The following ZNF469 variants were observed in gnomAD, a reference collection of about 807,000 sequenced individuals.
ZNF469 encodes the protein zinc finger protein 469.
Under a neutral mutation model 1.0 loss-of-function variants are expected in ZNF469, and 1 was observed. The ratio of observed to expected loss-of-function variants is 1.00; its 90% confidence interval spans 0.35 to 4.73. The LOEUF is 4.73. Among genes scored for constraint, ZNF469 ranks in the 30% most tolerant of loss-of-function variants. ZNF469 has a pLI of 0.16. For synonymous variants in ZNF469, 2,703 were observed against 2,363.4 expected (o/e 1.14, Z -4.17); for missense variants, 6,100 against 5,356.3 (o/e 1.14, Z -4.33).
the ZNF469 span, among the ~76,000 whole-genome samples, chr16:88,188,637 C>G: frequency 6.6e-6 from 1 of 152,168 alleles, no homozygotes; most frequent in Admixed American, 6.5e-5. Context: ...TGGGATGCCC[C>G]AGAACTTGCG....
the ZNF469 span, among the ~76,000 whole-genome samples, chr16:88,188,922 G>A: frequency 2.0e-5 from 3 of 152,028 alleles, no homozygotes; most frequent in African/African-American, 7.3e-5. Flanking sequence ...GCTTCTGCAC[G>A]TAGGAGGCAC....
intron 1 of ZNF469, among the ~76,000 whole-genome samples, chr16:88,387,889 C>A (rs570173811): frequency 6.6e-6 from 1 of 152,342 alleles, no homozygotes; most frequent in East Asian, 1.9e-4. Flanking sequence ...AGCCCTTGCT[C>A]CTCCAATCAG....
the ZNF469 span, among the ~76,000 whole-genome samples, chr16:88,206,978 G>C: frequency 5.3e-3 from 1 of 188 alleles, no homozygotes; most frequent in Non-Finnish European, 0.011. Flanking sequence ...CGGAGGGGAG[G>C]GGAGGCCGCG....
the ZNF469 span, among the ~76,000 whole-genome samples, chr16:88,118,427 A>G: frequency 1.4e-3 from 206 of 152,260 alleles, 1 homozygote; most frequent in Admixed American, 2.2e-3. Flanking sequence ...GAGGCACAAG[A>G]GTCTCAGCTG....
the ZNF469 span, among the ~76,000 whole-genome samples, chr16:88,321,350 T>A: frequency 0.11 from 16,857 of 152,276 alleles, 1,029 homozygotes; most frequent in East Asian, 0.19. Context: ...CCTTGCCTGA[T>A]TGGATGCAGT....
At chr16:88,168,058 G>A in the ZNF469 span, among the ~76,000 whole-genome samples, 3 of 152,340 alleles carry the variant, frequency 2.0e-5, no homozygotes, top group East Asian at 3.9e-4. The surrounding 1 kb of genome is among the most constrained non-coding windows in gnomAD (Gnocchi z 4.3). Flanking sequence ...GGAGACGTGA[G>A]CCATGTGTCC....
At position 88,431,026 on chromosome 16, in the gene ZNF469, GAGGGAGGCCCCA is replaced by G. The variant is rs1041170578; in HGVS notation, c.3559_3570del (p.Gly1187_Lys1190del). 3.2e-6 allele frequency: 5 copies of G among 1,545,568 alleles called. No homozygotes were observed. The Admixed American group carries it at 7.8e-5, about 24-fold the overall frequency. On this transcript the variant is annotated inframe_deletion, in exon 3 of 3. Coordinates refer to ENST00000565624, the MANE Select transcript of ZNF469 (RefSeq NM_001367624.2). ...CCTGGAGACGGGAGCGGCCGCCAGG[GAGGGAGGCCCCA>G]AGTGTGCTGATCGCCCCTCAGTGGC... is the stretch of plus-strand genomic sequence containing the variant.
chr16:88,235,336 C>T, the ZNF469 span, among the ~76,000 whole-genome samples: 2 of 152,312 alleles, frequency 1.3e-5, no homozygotes, highest in East Asian at 3.9e-4. Context: ...GTACCTGGGT[C>T]CCCAGTGCCC....
At chr16:88,131,967 C>A in the ZNF469 span, among the ~76,000 whole-genome samples, 3 of 152,260 alleles carry the variant, frequency 2.0e-5, no homozygotes. Context: ...GCCCGCGCAT[C>A]TCCGGGGCTG....
chr16:88,248,608 A>G, the ZNF469 span, among the ~76,000 whole-genome samples: 4 of 152,240 alleles, frequency 2.6e-5, no homozygotes, highest in African/African-American at 9.6e-5. Flanking sequence ...TAATAGTACC[A>G]TGAGAGAGGA....
chr16:88,362,460 T>C, the ZNF469 span, among the ~76,000 whole-genome samples: 1 of 152,244 alleles, frequency 6.6e-6, no homozygotes, highest in South Asian at 2.1e-4. Context: ...AATTCTCTAG[T>C]TTGCTTTTAT....
Position 88,433,666 on chromosome 16 carries a change from C to G in ZNF469, c.6196C>G (p.Leu2066Val). 6.5e-7 allele frequency: 1 copy of G among 1,550,020 alleles called. No homozygotes were observed. Among genetic ancestry groups the G allele is most frequent in the Non-Finnish European group, 8.7e-7 (1 of 1,146,826 alleles). Residue 2066 changes from leucine (L) to valine (V), a missense_variant, in exon 3 of 3, where the codon CTG becomes GTG. Leu to Val is a conservative substitution (Grantham distance 32). Transcript: ENST00000565624. ...PSPPSPNRES[L>V]ALALTAAHSR... ...CCCCCCGTCCCCTAATAGGGAGTCCCTGGCGCTGGCCTTGACAGCAGCCCA... is the reference window on the plus strand; with the variant it reads ...CCCCCCGTCCCCTAATAGGGAGTCCGTGGCGCTGGCCTTGACAGCAGCCCA...
At chr16:88,398,474 C>A (rs1904757893) in intron 1 of ZNF469, among the ~76,000 whole-genome samples, 1 of 151,362 alleles carries the variant, frequency 6.6e-6, no homozygotes, top group Non-Finnish European at 1.5e-5. Context: ...GACCCGTGAG[C>A]CACGGATGAA....
the ZNF469 span, among the ~76,000 whole-genome samples, chr16:88,238,790 C>T: frequency 6.6e-5 from 10 of 152,254 alleles, no homozygotes; most frequent in African/African-American, 2.2e-4. Context: ...GATAATCCAC[C>T]AGAGCCCAGC....
chr16:88,352,066 A>T, the ZNF469 span, among the ~76,000 whole-genome samples: 1 of 152,122 alleles, frequency 6.6e-6, no homozygotes, highest in African/African-American at 2.4e-5. Flanking sequence ...GTTTCTAGGG[A>T]ACACCCGGAA....
chr16:88,315,076 G>T, the ZNF469 span, among the ~76,000 whole-genome samples: 5 of 152,214 alleles, frequency 3.3e-5, no homozygotes, highest in Admixed American at 6.5e-5. Context: ...TGTCCTCCTC[G>T]ATCTGACCTG....
the ZNF469 span, among the ~76,000 whole-genome samples, chr16:88,374,741 G>GCCGTGTGCGGTGGGCTGAGCTCGGCA: frequency 6.6e-6 from 1 of 152,118 alleles, no homozygotes; most frequent in African/African-American, 2.4e-5. Context: ...TGAGCTCGGC[G>GCCGTGTGCGGTGGGCTGAGCTCGGCA]CCGTGTGCTG....
the ZNF469 span, among the ~76,000 whole-genome samples, chr16:88,312,286 C>A: frequency 6.6e-6 from 1 of 152,202 alleles, no homozygotes; most frequent in Non-Finnish European, 1.5e-5. Flanking sequence ...CCTATCAGTA[C>A]GGTAGTTCTA....
At chr16:88,151,734 C>A in the ZNF469 span, among the ~76,000 whole-genome samples, 4 of 152,208 alleles carry the variant, frequency 2.6e-5, no homozygotes, top group South Asian at 8.3e-4. The surrounding 1 kb of genome is among the most constrained non-coding windows in gnomAD (Gnocchi z 5.4). Flanking sequence ...ACCTGCTGGT[C>A]GAGAAGGATC....
Sources: gnomAD v4.1 joint callset for allele counts (sites outside exome capture counted in the v4.1 genomes callset) on GRCh38, gnomAD v4.1.1 for gene constraint, Gnocchi (gnomAD v3.1) non-coding constraint, MANE v1.5 for transcripts, NCBI Gene and HGNC (gene_info 2026-07-23, HGNC 2026-07-21) for gene names.